ZNF236: variants seen among roughly 807,000 people sequenced by gnomAD.
The protein encoded by ZNF236 is zinc finger protein 236, also known as regulated by glucose.
ZNF236 carries 50 observed loss-of-function variants against 191.2 expected under a neutral mutation model. The observed-to-expected ratio is 0.26, with a 90% CI of 0.21 to 0.33. The LOEUF (loss-of-function observed/expected upper bound fraction) is 0.33, where lower values mean the gene tolerates loss of function less well. ZNF236 is among the 10% of genes least tolerant of loss of function. The probability of loss-of-function intolerance (pLI) is 1.00; values close to 1 mark genes in which losing one functional copy is unlikely to be tolerated. For missense variants in ZNF236, 1,754 were observed against 2,374.5 expected (o/e 0.74, Z 5.43); for synonymous variants, 907 against 928.8 (o/e 0.98, Z 0.43).
intron 1 of ZNF236, among the ~76,000 whole-genome samples, chr18:76,838,495 C>T (rs1320009513): frequency 6.6e-6 from 1 of 152,102 alleles, no homozygotes; most frequent in Non-Finnish European, 1.5e-5. Context: ...TCATAGTTTA[C>T]AGTGTAGTGC....
At position 76,830,241 on chromosome 18, in the gene ZNF236, A is replaced by G. The variant is rs188642250; in HGVS notation, c.55+7579A>G. On this transcript the variant is annotated intron_variant, in intron 1 of 30. Coordinates refer to ENST00000320610, the MANE Select transcript of ZNF236 (RefSeq NM_001306089.2). ...ATTTTTTTCTGGCTTGATTCATTCA[A>G]TATTTATTTTTATGAGATTTTTCCT... 3.4e-3 allele frequency among the ~76,000 whole-genome samples: 522 copies of G among 152,200 alleles called. 1 individual carries two copies. Among genetic ancestry groups the G allele is most frequent in the Admixed American group, 6.8e-3 (104 of 15,276 alleles).
At chr18:76,839,692 A>G (rs1975425766) in intron 1 of ZNF236, among the ~76,000 whole-genome samples, 1 of 152,022 alleles carries the variant, frequency 6.6e-6, no homozygotes, top group Non-Finnish European at 1.5e-5. Flanking sequence ...ACAGATATCC[A>G]CCTTTCAAGA....
intron 26 of ZNF236, among the ~76,000 whole-genome samples, chr18:76,938,323 G>A (rs1186455082): frequency 1.3e-5 from 2 of 152,160 alleles, no homozygotes; most frequent in East Asian, 3.9e-4. Context: ...CTGGGAAGTC[G>A]ATGCTGCAGT....
At position 76,891,972 on chromosome 18, in the gene ZNF236, C is replaced by T. The variant is rs116060610; in HGVS notation, c.1418-3041C>T. On this transcript the variant is annotated intron_variant, in intron 9 of 30. Coordinates refer to ENST00000320610, the MANE Select transcript of ZNF236 (RefSeq NM_001306089.2). Reference sequence around the variant, plus strand: ...TTTTCACATATTTATTTTTCAGATGCACTTTAGAATCTTCTGCTAAAGTTC... The same window carrying T: ...TTTTCACATATTTATTTTTCAGATGTACTTTAGAATCTTCTGCTAAAGTTC... 6.8e-3 allele frequency among the ~76,000 whole-genome samples: 1,042 copies of T among 152,134 alleles called. 11 individuals are homozygous for T. Among genetic ancestry groups the T allele is most frequent in the African/African-American group, 0.023 (961 of 41,494 alleles).
intron 10 of ZNF236, among the ~76,000 whole-genome samples, chr18:76,897,473 CACACATAGTACT>C: frequency 6.6e-6 from 1 of 152,078 alleles, no homozygotes; most frequent in Admixed American, 6.5e-5. Flanking sequence ...CATACCGTAC[CACACATAGTACT>C]GTACATAGTA....
In ZNF236 at chr18:76,925,612, T is replaced by C; in HGVS notation, c.4027+58T>C. ...CAGTGATTGAACTGTTCTGTGCTGC[T>C]TCTGTCTGTTCCCACGACAGAAGAG... is the stretch of plus-strand genomic sequence containing the variant. On this transcript the variant is annotated intron_variant, in intron 22 of 30. Coordinates refer to ENST00000320610, the MANE Select transcript of ZNF236 (RefSeq NM_001306089.2). The surrounding 1 kb of genome is among the most constrained non-coding windows in gnomAD (Gnocchi z 5.7). 1 of 1,564,358 alleles carries C rather than the reference T, an allele frequency of 6.4e-7. No individual in the cohort carries two copies. The highest frequency in any genetic ancestry group is 8.6e-7 in the Non-Finnish European group (1 of 1,157,700).
Position 76,849,514 on chromosome 18 carries a change from G to C in ZNF236, c.56-12G>C. The C allele has an allele frequency of 6.3e-7, 1 of 1,596,138 alleles. No individual in the cohort carries two copies. Among genetic ancestry groups the C allele is most frequent in the Non-Finnish European group, 8.5e-7 (1 of 1,173,490 alleles). On this transcript the variant is annotated splice_polypyrimidine_tract_variant and intron_variant, in intron 1 of 30. Coordinates refer to ENST00000320610, the MANE Select transcript of ZNF236 (RefSeq NM_001306089.2). ...ACTGGTATTTATTGTCTATACTTAT[G>C]CAATTTTATAGATGGAGTTTTAACA...
At chr18:76,914,049 A>G in intron 18 of ZNF236, 151 bp downstream of exon 18, 1 of 841,150 alleles carries the variant, frequency 1.2e-6, no homozygotes. Flanking sequence ...TCAAAACTGT[A>G]ATTTTAGGAC....
In ZNF236 at chr18:76,899,241, C is replaced by T. The variant is rs183215770; in HGVS notation, c.1894+19C>T. Reference sequence around the variant, plus strand: ...GACTTAGGTAAGATGGATTGTAGGGCGTCTTTATAATTTATTGAGTACTAT... The same window carrying T: ...GACTTAGGTAAGATGGATTGTAGGGTGTCTTTATAATTTATTGAGTACTAT... On this transcript the variant is annotated intron_variant, in intron 11 of 30. Coordinates refer to ENST00000320610, the MANE Select transcript of ZNF236 (RefSeq NM_001306089.2). 1,601 of 1,594,308 alleles carry T rather than the reference C, an allele frequency of 1.0e-3. 5 individuals carry two copies. The highest frequency in any genetic ancestry group is 4.4e-3 in the South Asian group (394 of 90,346).
intron 21 of ZNF236, 138 bp downstream of exon 21, chr18:76,923,312 A>C: frequency 1.8e-6 from 1 of 569,744 alleles, no homozygotes. Context: ...AGGAAGTGAT[A>C]TAAAAGATTT....
chr18:76,823,924 C>T (rs1389456837), intron 1 of ZNF236, among the ~76,000 whole-genome samples: 1 of 152,184 alleles, frequency 6.6e-6, no homozygotes, highest in Non-Finnish European at 1.5e-5. Flanking sequence ...TCCTGGTCAC[C>T]CGTGCAACTG....
intron 25 of ZNF236, among the ~76,000 whole-genome samples, chr18:76,935,028 A>G (rs1162144683): frequency 6.6e-6 from 1 of 152,254 alleles, no homozygotes; most frequent in Admixed American, 6.5e-5. Flanking sequence ...GTGGTTTCAG[A>G]AAAATAAGTG....
At chr18:76,860,491 G>C (rs1976183162) in intron 3 of ZNF236, among the ~76,000 whole-genome samples, 1 of 152,194 alleles carries the variant, frequency 6.6e-6, no homozygotes, top group South Asian at 2.1e-4. Flanking sequence ...CCTTCGTCCT[G>C]TTTTCTCTTC....
intron 11 of ZNF236, among the ~76,000 whole-genome samples, chr18:76,903,018 T>C (rs1227499318): frequency 6.6e-6 from 1 of 152,166 alleles, no homozygotes; most frequent in Non-Finnish European, 1.5e-5. Flanking sequence ...AGAAGGCTTG[T>C]GAGATGAGAA....
intron 1 of ZNF236, among the ~76,000 whole-genome samples, chr18:76,827,678 A>G (rs569144663): frequency 6.6e-6 from 1 of 152,328 alleles, no homozygotes; most frequent in Non-Finnish European, 1.5e-5. Flanking sequence ...AGAGATGAGT[A>G]AGAAGAGGCC....
chr18:76,856,233 A>G (rs929616678), intron 3 of ZNF236, among the ~76,000 whole-genome samples: 1 of 150,506 alleles, frequency 6.6e-6, no homozygotes, highest in Non-Finnish European at 1.5e-5. Flanking sequence ...TCTGTTGCCC[A>G]GGCTAGAGGC....
Position 76,943,122 on chromosome 18 carries a change from C to CAAAA in ZNF236, c.4783-4382_4783-4379dup, listed in dbSNP as rs530931580. On this transcript the variant is annotated intron_variant, in intron 26 of 30. Transcript: ENST00000320610. ...TGGGCGACAGAGTGAGACTCCGTCT[C>CAAAA]AAAAAAAAAAAAAAAAAAAAGAAGA... is the stretch of plus-strand genomic sequence containing the variant. 8.6e-4 allele frequency among the ~76,000 whole-genome samples: 73 copies of CAAAA among 84,958 alleles called. 1 individual carries two copies. Among genetic ancestry groups the CAAAA allele is most frequent in the South Asian group, 7.9e-3 (17 of 2,164 alleles). The allele number at this position is 84,958 out of a possible 152,430, so 55.7% of individuals were successfully genotyped here.
At chr18:76,928,446 G>T (rs1351979627) in intron 25 of ZNF236, among the ~76,000 whole-genome samples, 1 of 152,152 alleles carries the variant, frequency 6.6e-6, no homozygotes, top group Admixed American at 6.5e-5. Flanking sequence ...CCATGAAACT[G>T]GTATAAACTG....
intron 13 of ZNF236, among the ~76,000 whole-genome samples, chr18:76,905,645 A>C (rs1977721077): frequency 6.6e-6 from 1 of 152,144 alleles, no homozygotes; most frequent in South Asian, 2.1e-4. Context: ...TTTTTAATTT[A>C]ATAATGAAGT....
Sources: gnomAD v4.1 joint callset for allele counts (sites outside exome capture counted in the v4.1 genomes callset) on GRCh38, gnomAD v4.1.1 for gene constraint, Gnocchi (gnomAD v3.1) non-coding constraint, MANE v1.5 for transcripts, NCBI Gene and HGNC (gene_info 2026-07-23, HGNC 2026-07-21) for gene names.